The following ACAD11 variants were observed in gnomAD, a reference collection of about 807,000 sequenced individuals.
The protein encoded by ACAD11 is acyl-CoA dehydrogenase family member 11.
In ACAD11, 83 loss-of-function variants were observed where a neutral mutation model predicts 102.2. The observed-to-expected ratio is 0.81, with a 90% CI of 0.68 to 0.97. ACAD11 has a LOEUF of 0.97. ACAD11 is among the 50% of genes least tolerant of loss of function. ACAD11 has a pLI of 0.00. For synonymous variants in ACAD11, 324 were observed against 319.8 expected (o/e 1.01, Z -0.14); for missense variants, 901 against 951.7 (o/e 0.95, Z 0.70).
At chr3:132,605,943 C>T (rs538329308) in intron 11 of ACAD11, among the ~76,000 whole-genome samples, 6 of 152,314 alleles carry the variant, frequency 3.9e-5, no homozygotes, top group African/African-American at 1.4e-4. Context: ...TTCAAAGACC[C>T]TCTCTGACCC....
At chr3:132,596,605 C>T (rs78606796) in intron 13 of ACAD11, among the ~76,000 whole-genome samples, 1,896 of 152,164 alleles carry the variant, frequency 0.012, 40 homozygotes, top group African/African-American at 0.043. Context: ...CTTTCTCTAA[C>T]TTACTTGTGT....
chr3:132,639,144 T>C (rs776883805), intron 5 of ACAD11, among the ~76,000 whole-genome samples: 2 of 152,148 alleles, frequency 1.3e-5, no homozygotes, highest in Non-Finnish European at 2.9e-5. Context: ...CAAAGAAGTA[T>C]AAATGAACCA....
intron 5 of ACAD11, among the ~76,000 whole-genome samples, chr3:132,637,943 A>T (rs1418681201): frequency 1.3e-5 from 2 of 152,158 alleles, no homozygotes; most frequent in African/African-American, 4.8e-5. Flanking sequence ...CAAACCCTAA[A>T]CATTACAGAA....
intron 17 of ACAD11, among the ~76,000 whole-genome samples, chr3:132,564,705 T>TAA (rs1458198988): frequency 6.6e-6 from 1 of 152,150 alleles, no homozygotes; most frequent in African/African-American, 2.4e-5. Context: ...ACTAAGAAAA[T>TAA]AAGTATGTCT....
At chr3:132,608,512 C>A (rs536473442) in intron 11 of ACAD11, among the ~76,000 whole-genome samples, 1 of 152,074 alleles carries the variant, frequency 6.6e-6, no homozygotes, top group Non-Finnish European at 1.5e-5. Flanking sequence ...ATAAAACAGA[C>A]TTTAAACCAA....
chr3:132,599,957 T>C (rs1938494425), intron 13 of ACAD11, among the ~76,000 whole-genome samples: 1 of 152,208 alleles, frequency 6.6e-6, no homozygotes, highest in Non-Finnish European at 1.5e-5. Context: ...TATTTTCGTT[T>C]TTATTCAATT....
intron 11 of ACAD11, among the ~76,000 whole-genome samples, chr3:132,608,992 C>A (rs139315513): frequency 0.077 from 11,708 of 152,214 alleles, 1,493 homozygotes; most frequent in African/African-American, 0.27. Context: ...GAAACTCACT[C>A]AAAACCGCAC....
chr3:132,580,183 T>C (rs959724365), intron 13 of ACAD11, among the ~76,000 whole-genome samples: 1 of 152,024 alleles, frequency 6.6e-6, no homozygotes, highest in Non-Finnish European at 1.5e-5. Flanking sequence ...CTGTACAAAG[T>C]CTCAAACAAA....
At chr3:132,592,629 T>G (rs536425164) in intron 13 of ACAD11, among the ~76,000 whole-genome samples, 1 of 152,322 alleles carries the variant, frequency 6.6e-6, no homozygotes, top group African/African-American at 2.4e-5. Flanking sequence ...AAGAAAGTGA[T>G]GTAAACAATT....
chr3:132,628,580 T>A (rs755621782), intron 7 of ACAD11, 134 bp from the exon 8 acceptor site: 4 of 573,332 alleles, frequency 7.0e-6, no homozygotes, highest in Middle Eastern at 4.6e-4. Context: ...CTATCGACGA[T>A]ATTAATGTAC....
rs1475617431 is a variant in ACAD11, at chr3:132,618,654, A to C, written c.1394T>G (p.Val465Gly). Residue 465 changes from valine (V) to glycine (G), a missense_variant, in exon 11 of 20, where the codon GTC becomes GGC. Physicochemically the swap from Val to Gly is moderately radical, Grantham distance 109. Transcript: ENST00000264990. ...GTAACCTGGTGCTTGGCAGTTAAAGACATCTGGAGCAAAAAAGCATTTTCC... is the reference window on the plus strand; with the variant it reads ...GTAACCTGGTGCTTGGCAGTTAAAGCCATCTGGAGCAAAAAAGCATTTTCC... ...ETGKCFFAPD[V>G]FNCQAPDTGN... is the part of the protein sequence containing the mutation. 1 of 1,602,486 alleles carries C rather than the reference A, an allele frequency of 6.2e-7. No individual in the cohort carries two copies. The highest frequency in any genetic ancestry group is 2.3e-5 in the East Asian group (1 of 43,930).
intron 1 of ACAD11, among the ~76,000 whole-genome samples, chr3:132,650,961 G>A (rs1940909988): frequency 6.6e-6 from 1 of 152,024 alleles, no homozygotes; most frequent in African/African-American, 2.4e-5. Context: ...CTTCCACTGT[G>A]CCCCTGGAAC....
intron 2 of ACAD11, among the ~76,000 whole-genome samples, chr3:132,644,301 G>T (rs1293836059): frequency 1.2e-4 from 19 of 152,060 alleles, no homozygotes; most frequent in Non-Finnish European, 2.5e-4. Flanking sequence ...GAAAAACCTA[G>T]TTTTCAACAA....
intron 5 of ACAD11, among the ~76,000 whole-genome samples, chr3:132,632,753 T>C (rs1376711762): frequency 6.6e-6 from 1 of 152,218 alleles, no homozygotes. Flanking sequence ...TTTTATTTCA[T>C]TGAGCAGTGG....
chr3:132,588,192 G>GGCAGGTATGTATGTAT (rs1553759513), intron 13 of ACAD11, among the ~76,000 whole-genome samples: 1 of 150,684 alleles, frequency 6.6e-6, no homozygotes, highest in African/African-American at 2.5e-5. Context: ...CAGGCAGGCA[G>GGCAGGTATGTATGTAT]GTATGTATGT....
intron 1 of ACAD11, chr3:132,648,580 G>A (rs1464350005): frequency 6.6e-6 from 1 of 151,950 alleles, no homozygotes; most frequent in Non-Finnish European, 1.5e-5. Context: ...CCTGATAAGG[G>A]AATCAGTTGT....
At position 132,578,843 on chromosome 3, in the gene ACAD11, G is replaced by A. The variant is rs56146221; in HGVS notation, c.1727C>T (p.Thr576Ile). 1.4e-4 allele frequency: 221 copies of A among 1,613,096 alleles called. No individual in the cohort carries two copies. The African/African-American group carries it at 2.8e-3, about 20-fold the overall frequency. ...QHSMILVPMN[T>I]PGVKIIRPLS... is the part of the protein sequence containing the mutation. The stretch of plus-strand genomic sequence containing the variant: ...AGGCCTTATTATTTTTACTCCAGGT[G>A]TGTTCATGGGAACAAGAATCATGCT... The change falls in exon 15 of 20, where the codon ACA becomes ATA. Residue 576 changes from threonine to isoleucine, a missense_variant. Thr to Ile is a moderately conservative substitution (Grantham distance 89). Transcript: ENST00000264990.
intron 6 of ACAD11, 76 bp from the exon 7 acceptor site, chr3:132,630,634 C>A: frequency 6.0e-6 from 8 of 1,330,286 alleles, no homozygotes; most frequent in Admixed American, 2.2e-5. Context: ...GAGACTGAGA[C>A]GCATATGTAA....
chr3:132,572,629 C>T (rs1485279138), intron 17 of ACAD11, among the ~76,000 whole-genome samples: 1 of 152,192 alleles, frequency 6.6e-6, no homozygotes, highest in East Asian at 1.9e-4. Context: ...CATAATGTTA[C>T]TTGACTTCAA....
Sources: allele counts gnomAD v4.1 joint callset (sites outside exome capture counted in the v4.1 genomes callset), GRCh38; gene constraint gnomAD v4.1.1; transcripts MANE v1.5; gene names NCBI Gene and HGNC (gene_info 2026-07-23, HGNC 2026-07-21).